The following AFAP1L2 variants were observed in gnomAD, a reference collection of about 807,000 sequenced individuals.
AFAP1L2 encodes the protein actin filament associated protein 1 like 2.
A neutral mutation model predicts 99.3 loss-of-function variants in AFAP1L2; 46 were observed. The observed-to-expected ratio is 0.46, with a 90% CI of 0.37 to 0.59. AFAP1L2 has a LOEUF of 0.59. Ranked by LOEUF, AFAP1L2 falls within the 20% of genes least tolerant of loss-of-function variation. The pLI is 0.00. For missense variants in AFAP1L2, 959 were observed against 1,034.9 expected (o/e 0.93, Z 1.01); for synonymous variants, 397 against 419.1 (o/e 0.95, Z 0.64).
chr10:114,375,050 T>G (rs1464597182), intron 1 of AFAP1L2, among the ~76,000 whole-genome samples: 1 of 152,176 alleles, frequency 6.6e-6, no homozygotes, highest in Non-Finnish European at 1.5e-5. Context: ...GTCAGTGAAC[T>G]ATATACCTAA....
intron 7 of AFAP1L2, among the ~76,000 whole-genome samples, chr10:114,311,572 C>T (rs908036022): frequency 2.0e-5 from 3 of 152,218 alleles, no homozygotes; most frequent in Non-Finnish European, 4.4e-5. Context: ...TGGGTCAATA[C>T]CTTTGCCACG....
intron 15 of AFAP1L2, 86 bp from the exon 16 acceptor site, chr10:114,299,501 C>A: frequency 6.5e-7 from 1 of 1,541,214 alleles, no homozygotes. Flanking sequence ...TCGGATAGAA[C>A]CTGGGGCTTT....
downstream of AFAP1L2, chr10:114,290,077 A>G (rs1042720573): frequency 7.1e-6 from 6 of 839,800 alleles, no homozygotes; most frequent in South Asian, 1.9e-5. Context: ...GCTGGGTCTT[A>G]CTAACCTAGC....
At chr10:114,374,020 C>T (rs1381730842) in intron 1 of AFAP1L2, among the ~76,000 whole-genome samples, 1 of 152,122 alleles carries the variant, frequency 6.6e-6, no homozygotes, top group Admixed American at 6.6e-5. Context: ...CCCCTGCCTT[C>T]ACGGACCTTC....
intron 7 of AFAP1L2, among the ~76,000 whole-genome samples, chr10:114,311,087 C>A (rs549355328): frequency 6.6e-6 from 1 of 151,876 alleles, no homozygotes; most frequent in Admixed American, 6.6e-5. Context: ...TCTTTGAAAC[C>A]CCAAGCAGAG....
chr10:114,335,278 C>T (rs2047767595), intron 2 of AFAP1L2, among the ~76,000 whole-genome samples: 1 of 151,964 alleles, frequency 6.6e-6, no homozygotes, highest in Non-Finnish European at 1.5e-5. Context: ...TATTTGAGGA[C>T]ATTCACTACA....
At chr10:114,297,150 G>GGC in intron 17 of AFAP1L2, 50 bp from the exon 18 acceptor site, 3 of 1,587,880 alleles carry the variant, frequency 1.9e-6, no homozygotes, top group South Asian at 1.1e-5. Context: ...AGGGAGATGT[G>GGC]ACCCACCCAC....
chr10:114,286,077 G>A, the AFAP1L2 span: 75 of 1,614,006 alleles, frequency 4.6e-5, no homozygotes, highest in Non-Finnish European at 5.2e-5. Context: ...GAGGACTCTC[G>A]GGCCCGAGTG....
At chr10:114,354,679 C>T (rs774291320) in intron 1 of AFAP1L2, among the ~76,000 whole-genome samples, 2 of 152,120 alleles carry the variant, frequency 1.3e-5, no homozygotes, top group Admixed American at 6.5e-5. Context: ...GATTGCAAGC[C>T]ATGAGGATGC....
intron 1 of AFAP1L2, among the ~76,000 whole-genome samples, chr10:114,359,639 C>T (rs2051927147): frequency 6.6e-6 from 1 of 152,208 alleles, no homozygotes; most frequent in African/African-American, 2.4e-5. Context: ...AAGCCTTTTC[C>T]TCTGGATTTT....
chr10:114,345,189 G>A (rs1483886151), intron 1 of AFAP1L2, among the ~76,000 whole-genome samples: 1 of 148,386 alleles, frequency 6.7e-6, no homozygotes, highest in Non-Finnish European at 1.5e-5. Flanking sequence ...CCACCCAGTG[G>A]CTCTGTGTAT....
chr10:114,291,787 A>G (rs921294926), downstream of AFAP1L2, among the ~76,000 whole-genome samples: 14 of 152,188 alleles, frequency 9.2e-5, no homozygotes, highest in African/African-American at 3.4e-4. Flanking sequence ...AGGGGGCTTG[A>G]GGGACGTTTG....
intron 16 of AFAP1L2, 94 bp from the exon 17 acceptor site, chr10:114,297,507 C>G (rs1332516157): frequency 1.5e-6 from 2 of 1,326,488 alleles, no homozygotes; most frequent in Non-Finnish European, 2.1e-6. Context: ...TACCCCGCCA[C>G]CCGAGAAGGA....
chr10:114,327,172 TA>T (rs369553611), intron 4 of AFAP1L2, among the ~76,000 whole-genome samples: 4,064 of 75,192 alleles, frequency 0.054, 491 homozygotes, highest in African/African-American at 0.12. Flanking sequence ...TATATATATA[TA>T]TTTTTTTTTT....
the AFAP1L2 span, among the ~76,000 whole-genome samples, chr10:114,285,685 A>G: frequency 6.6e-6 from 1 of 152,248 alleles, no homozygotes; most frequent in Non-Finnish European, 1.5e-5. Flanking sequence ...AGGACTAACC[A>G]TAATGGAAAA....
chr10:114,295,920 T>TA lies in AFAP1L2; in HGVS notation c.*121dup, dbSNP rs1410133130. 1 of 1,586,628 alleles carries TA rather than the reference T, an allele frequency of 6.3e-7. No homozygotes were observed. The highest frequency in any genetic ancestry group is 1.3e-5 in the African/African-American group (1 of 74,192). ...CTTAGCTGAAGCTCTCCATTCACAGTACCTCAGTCTTTGCTTTTTCTTCTA... is the reference window on the plus strand; with the variant it reads ...CTTAGCTGAAGCTCTCCATTCACAGTAACCTCAGTCTTTGCTTTTTCTTCTA... On this transcript the variant is annotated 3_prime_UTR_variant, in exon 19 of 19. Transcript: ENST00000304129.
At chr10:114,327,173 A>T (rs7095871) in intron 4 of AFAP1L2, among the ~76,000 whole-genome samples, 2,553 of 18,660 alleles carry the variant, frequency 0.14, 237 homozygotes, top group African/African-American at 0.27. Flanking sequence ...ATATATATAT[A>T]TTTTTTTTTT....
intron 1 of AFAP1L2, chr10:114,363,299 C>T: frequency 2.3e-6 from 1 of 430,760 alleles, no homozygotes; most frequent in Non-Finnish European, 3.1e-6. Context: ...GAATTCACGA[C>T]ACACGCTCTG....
At chr10:114,306,123 A>AG (rs199719507) in intron 10 of AFAP1L2, among the ~76,000 whole-genome samples, 35,329 of 35,602 alleles carry the variant, frequency 0.99, 17,530 homozygotes, top group Middle Eastern at 1. Context: ...AGATGCCTGG[A>AG]GGGATGCAGG....
Sources: allele counts gnomAD v4.1 joint callset (sites outside exome capture counted in the v4.1 genomes callset), GRCh38; gene constraint gnomAD v4.1.1; transcripts MANE v1.5; gene names NCBI Gene and HGNC (gene_info 2026-07-23, HGNC 2026-07-21).